The following CEP162 variants were observed in gnomAD, a reference collection of about 807,000 sequenced individuals.
CEP162 encodes the protein centrosomal protein of 162 kDa.
A neutral mutation model predicts 169.2 loss-of-function variants in CEP162; 141 were observed. The ratio of observed to expected loss-of-function variants is 0.83; its 90% CI spans 0.73 to 0.96. The LOEUF (loss-of-function observed/expected upper bound fraction) is 0.96. Ranked by LOEUF, CEP162 falls within the 40% of genes least tolerant of loss-of-function variation. The pLI is 0.00. For synonymous variants in CEP162, 540 were observed against 526.4 expected, an observed-to-expected ratio of 1.03 and a Z score of -0.35; for missense variants, 1,600 against 1,587.2, an observed-to-expected ratio of 1.01 and a Z score of -0.14.
intron 25 of CEP162, among the ~76,000 whole-genome samples, chr6:84,130,820 AT>A (rs779774146): frequency 4.0e-5 from 6 of 151,856 alleles, no homozygotes; most frequent in Middle Eastern, 3.4e-3. Flanking sequence ...GAATTCACTG[AT>A]TTTTTTTGAA....
Position 84,185,319 on chromosome 6 carries a change from T to C in CEP162, c.1531A>G (p.Arg511Gly). ...CTGGGTTTGCCATAGCCTGAGCTCC[T>C]AACTGACGCATATAATCCACTCTGG... is the stretch of plus-strand genomic sequence containing the variant. ...KPQSGLYASV[R>G]SSGYGKPSSP... is the part of the protein sequence containing the mutation. The change falls in exon 13 of 27, where the codon AGG (arginine) becomes GGG (glycine). Residue 511 changes from arginine (R) to glycine (G), a missense_variant. By Grantham distance (125) the Arg-to-Gly change is moderately radical. Coordinates refer to ENST00000403245, the MANE Select transcript of CEP162 (RefSeq NM_014895.4). 1 of 1,613,764 alleles carries C rather than the reference T, an allele frequency of 6.2e-7. No homozygotes were observed. Among genetic ancestry groups the C allele is most frequent in the African/African-American group, 1.3e-5 (1 of 75,036 alleles).
intron 6 of CEP162, among the ~76,000 whole-genome samples, chr6:84,206,422 T>C (rs571289200): frequency 6.6e-6 from 1 of 152,246 alleles, no homozygotes; most frequent in East Asian, 1.9e-4. Context: ...ACCACACATC[T>C]ACAACTATCT....
Position 84,160,806 on chromosome 6 carries a change from AC to A in CEP162, c.2781+5del. 1 of 1,560,386 alleles carries A rather than the reference AC, an allele frequency of 6.4e-7. No individual in the cohort carries two copies. Reference sequence around the variant, plus strand: ...ATGCTCATGAAAATTTACCCTGAACACATACTTGTCGCTCCAGATCCTGAAT... The same window carrying A: ...ATGCTCATGAAAATTTACCCTGAACAATACTTGTCGCTCCAGATCCTGAAT... On this transcript the variant is annotated splice_donor_5th_base_variant and intron_variant, in intron 21 of 26. Transcript: ENST00000403245.
At chr6:84,222,002 T>C (rs1212642552) in intron 2 of CEP162, among the ~76,000 whole-genome samples, 1 of 151,512 alleles carries the variant, frequency 6.6e-6, no homozygotes, top group Non-Finnish European at 1.5e-5. Flanking sequence ...GTGCCTAGCA[T>C]AGTACCAGGC....
chr6:84,221,477 T>C (rs1170096029), intron 2 of CEP162, among the ~76,000 whole-genome samples: 1 of 152,212 alleles, frequency 6.6e-6, no homozygotes, highest in African/African-American at 2.4e-5. Context: ...CAGTCCTGTC[T>C]TCTAGACATT....
intron 13 of CEP162, among the ~76,000 whole-genome samples, chr6:84,183,588 C>G (rs1562053452): frequency 6.6e-6 from 1 of 152,154 alleles, no homozygotes; most frequent in Non-Finnish European, 1.5e-5. Context: ...GTCAATGGAT[C>G]GTACCTGTTG....
chr6:84,145,998 A>C (rs934547339), intron 25 of CEP162, among the ~76,000 whole-genome samples: 1 of 152,112 alleles, frequency 6.6e-6, no homozygotes, highest in African/African-American at 2.4e-5. Flanking sequence ...CTCACCTGCA[A>C]TATCTCCTGA....
intron 2 of CEP162, among the ~76,000 whole-genome samples, chr6:84,222,017 T>C (rs541651649): frequency 6.6e-6 from 1 of 151,448 alleles, no homozygotes; most frequent in East Asian, 1.9e-4. Flanking sequence ...CCAGGCACAA[T>C]TGCGGAATGA....
intron 2 of CEP162, among the ~76,000 whole-genome samples, chr6:84,223,886 A>T (rs1034048413): frequency 6.6e-6 from 1 of 152,150 alleles, no homozygotes; most frequent in African/African-American, 2.4e-5. Flanking sequence ...AGCCTGGGCA[A>T]CAGAGCAAGA....
intron 16 of CEP162, among the ~76,000 whole-genome samples, chr6:84,173,706 C>CA (rs1314935839): frequency 4.5e-5 from 6 of 132,586 alleles, no homozygotes; most frequent in African/African-American, 2.2e-4. Context: ...TTTTTTGAGA[C>CA]AGAGTCTCAC....
At chr6:84,162,031 A>C (rs2099525986) in intron 19 of CEP162, 122 bp from the exon 20 acceptor site, 2 of 654,884 alleles carry the variant, frequency 3.1e-6, no homozygotes, top group Admixed American at 6.3e-5. Flanking sequence ...AAAAAATAAG[A>C]AGCATAAAAC....
chr6:84,151,044 C>A (rs1395340054), intron 23 of CEP162, among the ~76,000 whole-genome samples: 1 of 151,908 alleles, frequency 6.6e-6, no homozygotes, highest in Admixed American at 6.6e-5. Flanking sequence ...CTGGGAAGTT[C>A]CACGAAATGT....
intron 3 of CEP162, 107 bp downstream of exon 3, chr6:84,220,950 A>T: frequency 1.7e-6 from 1 of 583,212 alleles, no homozygotes. Context: ...AATCCACACT[A>T]TTAGTATTAT....
At chr6:84,154,330 ATCTG>A (rs561247395) in intron 22 of CEP162, among the ~76,000 whole-genome samples, 1,892 of 149,434 alleles carry the variant, frequency 0.013, 23 homozygotes, top group Admixed American at 0.028. Flanking sequence ...CTATCTATCT[ATCTG>A]TCTGTCTGTC....
intron 11 of CEP162, among the ~76,000 whole-genome samples, chr6:84,188,686 A>C (rs536751253): frequency 3.3e-5 from 5 of 152,252 alleles, no homozygotes; most frequent in South Asian, 4.2e-4. Context: ...ACAGTGCTGC[A>C]ATGAACATAT....
chr6:84,223,500 AAAATAAAT>A lies in CEP162; in HGVS notation c.58-2337_58-2330del, dbSNP rs539333560. Reference sequence around the variant, plus strand: ...GGTGACAGAGCAAGGCTCTATCTCAAAAATAAATAAATAAATAAATAAATAAATAAAAA... The same window carrying A: ...GGTGACAGAGCAAGGCTCTATCTCAAAAATAAATAAATAAATAAATAAAAA... On this transcript the variant is annotated intron_variant, in intron 2 of 26. Coordinates refer to ENST00000403245, the MANE Select transcript of CEP162 (RefSeq NM_014895.4). Among the ~76,000 whole-genome samples, 1,109 of 150,488 alleles carry A rather than the reference AAAATAAAT, an allele frequency of 7.4e-3. 13 individuals are homozygous for A. The highest frequency in any genetic ancestry group is 0.024 in the African/African-American group (983 of 40,942).
chr6:84,194,204 A>C, intron 10 of CEP162, among the ~76,000 whole-genome samples: 1 of 151,936 alleles, frequency 6.6e-6, no homozygotes. Flanking sequence ...AAAAGACAAA[A>C]ATTAGCTGGG....
intron 10 of CEP162, 84 bp downstream of exon 10, chr6:84,194,800 G>A (rs762923386): frequency 9.1e-7 from 1 of 1,096,190 alleles, no homozygotes; most frequent in African/African-American, 1.6e-5. Flanking sequence ...AATCACTACA[G>A]CAAATTGTAT....
chr6:84,222,882 TAACA>T (rs1370492938), intron 2 of CEP162, among the ~76,000 whole-genome samples: 1 of 152,210 alleles, frequency 6.6e-6, no homozygotes, highest in Non-Finnish European at 1.5e-5. Context: ...CTGTCTTCAC[TAACA>T]AACAGGTAGG....
Sources: allele counts gnomAD v4.1 joint callset (sites outside exome capture counted in the v4.1 genomes callset), GRCh38; gene constraint gnomAD v4.1.1; transcripts MANE v1.5; gene names NCBI Gene and HGNC (gene_info 2026-07-23, HGNC 2026-07-21).